CDH10: variants seen among roughly 807,000 people sequenced by gnomAD.
CDH10 encodes cadherin-10.
In CDH10, 30 loss-of-function variants were observed where a neutral mutation model predicts 73.1. The ratio of observed to expected loss-of-function variants is 0.41; its 90% confidence interval spans 0.31 to 0.56. The LOEUF (loss-of-function observed/expected upper bound fraction) is 0.56. Ranked by LOEUF, CDH10 falls within the 20% of genes least tolerant of loss-of-function variation. The probability of loss-of-function intolerance (pLI) is 0.27; values close to 1 mark genes in which losing one functional copy is unlikely to be tolerated. For missense variants in CDH10, 815 were observed against 973.7 expected, an observed-to-expected ratio of 0.84 and a Z score of 2.17; for synonymous variants, 345 against 348.2, an observed-to-expected ratio of 0.99 and a Z score of 0.10.
intron 5 of CDH10, among the ~76,000 whole-genome samples, chr5:24,531,119 C>T (rs1365918240): frequency 1.3e-5 from 2 of 151,988 alleles, no homozygotes; most frequent in East Asian, 3.9e-4. Context: ...GTGGATTTCT[C>T]CCTCTATTGG....
chr5:24,546,751 T>C (rs1026123809), intron 2 of CDH10, among the ~76,000 whole-genome samples: 1 of 152,118 alleles, frequency 6.6e-6, no homozygotes, highest in African/African-American at 2.4e-5. Flanking sequence ...AAAAGTATAG[T>C]TATTTGAAAA....
intron 2 of CDH10, among the ~76,000 whole-genome samples, chr5:24,570,697 C>A (rs181120450): frequency 0.013 from 1,917 of 152,014 alleles, 49 homozygotes; most frequent in African/African-American, 0.044. Context: ...ATGGCCTCTG[C>A]ATTTCTATCT....
intron 1 of CDH10, chr5:24,613,106 G>GA (rs1250215578): frequency 4.6e-5 from 7 of 151,768 alleles, no homozygotes; most frequent in Non-Finnish European, 1.0e-4. Flanking sequence ...GCAATATAGT[G>GA]ATTTTCATTC....
chr5:24,545,016 C>T (rs961158323), intron 2 of CDH10, among the ~76,000 whole-genome samples: 2 of 152,090 alleles, frequency 1.3e-5, no homozygotes, highest in African/African-American at 2.4e-5. Flanking sequence ...CTTAAGTTAA[C>T]GAACCCTCCT....
chr5:24,524,741 C>T (rs1311400925), intron 5 of CDH10, among the ~76,000 whole-genome samples: 3 of 151,896 alleles, frequency 2.0e-5, no homozygotes, highest in Admixed American at 6.6e-5. Flanking sequence ...TAAATAAAGT[C>T]GTATTGAAAA....
chr5:24,586,434 C>CTTTTTTTTTTTTTTTT (rs35486231), intron 2 of CDH10, among the ~76,000 whole-genome samples: 1 of 100,426 alleles, frequency 1.0e-5, no homozygotes, highest in Non-Finnish European at 1.9e-5. Context: ...TTATTAACTC[C>CTTTTTTTTTTTTTTTT]TTTTTTTTTT....
intron 2 of CDH10, among the ~76,000 whole-genome samples, chr5:24,583,195 T>A (rs990371454): frequency 1.3e-5 from 1 of 75,178 alleles, no homozygotes; most frequent in Non-Finnish European, 2.7e-5. Context: ...CTAGGTTACA[T>A]TTTTTAGTTA....
chr5:24,513,239 G>A (rs7716073), intron 5 of CDH10, among the ~76,000 whole-genome samples: 2,574 of 151,942 alleles, frequency 0.017, 55 homozygotes, highest in African/African-American at 0.052. Flanking sequence ...GGCTGGTCTC[G>A]AACTCCTGAC....
chr5:24,547,953 G>A (rs1410228912), intron 2 of CDH10, among the ~76,000 whole-genome samples: 2 of 152,164 alleles, frequency 1.3e-5, no homozygotes, highest in East Asian at 3.9e-4. Flanking sequence ...AATTGTTGAA[G>A]AAGCGTAAAG....
chr5:24,540,619 C>G (rs1308004386), intron 2 of CDH10, among the ~76,000 whole-genome samples: 1 of 151,816 alleles, frequency 6.6e-6, no homozygotes, highest in Non-Finnish European at 1.5e-5. Flanking sequence ...TCTACCTTCA[C>G]CAATGGGAAT....
At chr5:24,517,156 T>C (rs952147631) in intron 5 of CDH10, among the ~76,000 whole-genome samples, 1 of 152,124 alleles carries the variant, frequency 6.6e-6, no homozygotes, top group Non-Finnish European at 1.5e-5. Context: ...AAGAATAAAA[T>C]GAAAGTATTT....
intron 5 of CDH10, among the ~76,000 whole-genome samples, chr5:24,534,647 C>T (rs1034757530): frequency 6.6e-6 from 1 of 151,984 alleles, no homozygotes; most frequent in African/African-American, 2.4e-5. Context: ...CGGAGGTTCT[C>T]GATCTACAGT....
In CDH10 at chr5:24,633,704, A is replaced by G. The variant is rs1305130258; in HGVS notation, c.-124+10890T>C. The stretch of plus-strand genomic sequence containing the variant: ...TCAAAAATATTGTTTAAAAGATTTC[A>G]TGCAGATTTTGTAAAACATTTGCTA... On this transcript the variant is annotated intron_variant, in intron 1 of 11. Transcript: ENST00000264463. Among the ~76,000 whole-genome samples, 3 of 151,894 alleles carry G rather than the reference A, an allele frequency of 2.0e-5. No homozygotes were observed. The East Asian group carries it at 5.8e-4, about 29-fold the overall frequency.
At chr5:24,617,980 T>C (rs1037739836) in intron 1 of CDH10, among the ~76,000 whole-genome samples, 3 of 152,194 alleles carry the variant, frequency 2.0e-5, no homozygotes, top group Non-Finnish European at 4.4e-5. Flanking sequence ...TCAAAAATGT[T>C]ATGTGATTTT....
intron 5 of CDH10, among the ~76,000 whole-genome samples, chr5:24,516,210 CT>C (rs1743102787): frequency 6.6e-6 from 1 of 152,138 alleles, no homozygotes; most frequent in Non-Finnish European, 1.5e-5. Flanking sequence ...CTGAATCAGT[CT>C]GTTCGTAGTG....
In CDH10 at chr5:24,613,183, C is replaced by T. The variant is rs571786793; in HGVS notation, c.-123-19570G>A. On this transcript the variant is annotated intron_variant, in intron 1 of 11. Transcript: ENST00000264463. ...ATGGATAACTGAAGTGCAAATCAGCCATAGGGAATATGTGGAGAGTATCAG... is the reference window on the plus strand; with the variant it reads ...ATGGATAACTGAAGTGCAAATCAGCTATAGGGAATATGTGGAGAGTATCAG... 6 of 152,050 alleles carry T rather than the reference C, an allele frequency of 3.9e-5. No homozygotes were observed. In the South Asian group the frequency reaches 1.2e-3, roughly 32 times the overall value. The allele number at this position is 152,050 out of a possible 1,614,324, so 9.4% of individuals were successfully genotyped here. A position where few individuals can be genotyped will look rare whatever the true frequency, so the allele number is the denominator to read the frequency against.
At chr5:24,584,092 A>T (rs923530512) in intron 2 of CDH10, among the ~76,000 whole-genome samples, 2 of 152,164 alleles carry the variant, frequency 1.3e-5, no homozygotes, top group African/African-American at 4.8e-5. Flanking sequence ...TTTCTTAATT[A>T]TAAATGAAAG....
Position 24,487,937 on chromosome 5 carries a change from G to A in CDH10, c.2093C>T (p.Pro698Leu). The stretch of plus-strand genomic sequence containing the variant: ...ATCTGGAGCTGTAGGAGTCCTCCGA[G>A]GAATAAATAACGTTTCTGGAATAAT... The part of the protein sequence containing the change: ...RDIIPETLFI[P>L]RRTPTAPDNT... The change falls in exon 12 of 12, where the codon CCT becomes CTT. Residue 698 changes from proline to leucine, a missense_variant. Pro to Leu is a moderately conservative substitution (Grantham distance 98). This residue lies in a region of CDH10 where 241 missense variants were observed against 240.3 expected (regional missense o/e 1.00). Coordinates refer to ENST00000264463, the MANE Select transcript of CDH10 (RefSeq NM_006727.5). The A allele has an allele frequency of 6.2e-7, 1 of 1,613,824 alleles. No homozygotes were observed. Among genetic ancestry groups the A allele is most frequent in the Non-Finnish European group, 8.5e-7 (1 of 1,179,924 alleles).
chr5:24,516,798 C>T (rs919862591), intron 5 of CDH10, among the ~76,000 whole-genome samples: 6 of 151,290 alleles, frequency 4.0e-5, no homozygotes, highest in Non-Finnish European at 5.9e-5. Flanking sequence ...ATATTTTTTG[C>T]GCCTAAGCCC....
Sources: gnomAD v4.1 joint callset for allele counts (sites outside exome capture counted in the v4.1 genomes callset) on GRCh38, gnomAD v4.1.1 for gene constraint, gnomAD v4.1.1 regional missense constraint, MANE v1.5 for transcripts, NCBI Gene and HGNC (gene_info 2026-07-23, HGNC 2026-07-21) for gene names.